Variants in IQCM observed in about 807,000 individuals in gnomAD.
IQCM encodes the protein IQ domain-containing protein M.
IQCM carries 45 observed loss-of-function variants against 57.6 expected under a neutral mutation model. The observed-to-expected ratio is 0.78, with a 90% confidence interval of 0.62 to 1.00. IQCM has a LOEUF of 1.00. Ranked by LOEUF, IQCM falls within the 50% of genes least tolerant of loss-of-function variation. The pLI is 0.00. For synonymous variants in IQCM, 148 were observed against 158.9 expected (o/e 0.93, Z 0.51); for missense variants, 468 against 511.6 (o/e 0.91, Z 0.82).
intron 12 of IQCM, among the ~76,000 whole-genome samples, chr4:149,526,948 C>T (rs533378681): frequency 6.6e-6 from 1 of 151,872 alleles, no homozygotes; most frequent in African/African-American, 2.4e-5. Context: ...ATTTTTATAG[C>T]CTCTTGGAAA....
chr4:149,742,956 C>G (rs1253842066), intron 2 of IQCM, among the ~76,000 whole-genome samples: 1 of 152,034 alleles, frequency 6.6e-6, no homozygotes, highest in Non-Finnish European at 1.5e-5. Context: ...ATACACATTG[C>G]CTTACTGGGT....
intron 12 of IQCM, among the ~76,000 whole-genome samples, chr4:149,434,550 T>C (rs1735167674): frequency 6.6e-6 from 1 of 152,032 alleles, no homozygotes; most frequent in Non-Finnish European, 1.5e-5. Context: ...CCTCTTAGTC[T>C]CCTTTATTTT....
At chr4:149,451,310 T>C (rs1297922299) in intron 12 of IQCM, among the ~76,000 whole-genome samples, 1 of 151,808 alleles carries the variant, frequency 6.6e-6, no homozygotes, top group Non-Finnish European at 1.5e-5. Flanking sequence ...AATTTAATTG[T>C]GCATTTTAAA....
intron 12 of IQCM, among the ~76,000 whole-genome samples, chr4:149,548,224 A>G (rs992646644): frequency 6.6e-6 from 1 of 152,148 alleles, no homozygotes; most frequent in African/African-American, 2.4e-5. Context: ...TCTTCCTCCA[A>G]AAAAACCTGT....
chr4:149,729,706 T>C (rs1399984290), intron 5 of IQCM, among the ~76,000 whole-genome samples: 1 of 151,788 alleles, frequency 6.6e-6, no homozygotes, highest in Admixed American at 6.6e-5. Flanking sequence ...TTTTTTTTAA[T>C]ATATGGTTCT....
At chr4:149,785,465 C>T (rs1771995684) in intron 2 of IQCM, among the ~76,000 whole-genome samples, 1 of 151,926 alleles carries the variant, frequency 6.6e-6, no homozygotes, top group Admixed American at 6.6e-5. Context: ...ATTTAAATAA[C>T]TATAGTAATT....
chr4:149,550,660 T>C lies in IQCM; in HGVS notation c.1094-2071A>G, dbSNP rs187129579. 1.9e-3 allele frequency among the ~76,000 whole-genome samples: 290 copies of C among 152,248 alleles called. 6 individuals are homozygous for C. Among genetic ancestry groups the C allele is most frequent in the Admixed American group, 0.016 (243 of 15,294 alleles). On this transcript the variant is annotated intron_variant, in intron 11 of 13. Transcript: ENST00000636793. ...ATTTAGGGTAAATATAAAACTTAAA[T>C]CATGAAAATTAATGAAATTTTCTGA...
intron 8 of IQCM, among the ~76,000 whole-genome samples, chr4:149,614,029 A>T (rs1755555991): frequency 6.6e-6 from 1 of 151,980 alleles, no homozygotes; most frequent in South Asian, 2.1e-4. Context: ...AAAACGAATG[A>T]CCTGTTTTTA....
rs185383653 is a variant in IQCM at position 149,515,584 on chromosome 4, A to G, written c.1228+32871T>C. Among the ~76,000 whole-genome samples, 1,124 of 152,310 alleles carry G rather than the reference A, an allele frequency of 7.4e-3. 7 individuals are homozygous for G. Among genetic ancestry groups the G allele is most frequent in the South Asian group, 0.037 (177 of 4,820 alleles). ...AGATGGTTCTGCACGATATGCAGGT[A>G]CCACCTGAAAGTGGACAGGTGCAGC... On this transcript the variant is annotated intron_variant, in intron 12 of 13. Transcript: ENST00000636793.
Position 149,485,476 on chromosome 4 carries a change from C to T in IQCM, c.1229-51919G>A, listed in dbSNP as rs183236405. ...TCAAGCTCACTAATTCCTTCTTCTG[C>T]TTGATCAATTCTGCTACTAAGAGAC... On this transcript the variant is annotated intron_variant, in intron 12 of 13. Coordinates refer to ENST00000636793, the MANE Select transcript of IQCM (RefSeq NM_001363507.2). Among the ~76,000 whole-genome samples, 12 of 151,678 alleles carry T rather than the reference C, an allele frequency of 7.9e-5. No individual in the cohort carries two copies. The East Asian group carries it at 2.4e-3, about 30-fold the overall frequency.
intron 8 of IQCM, among the ~76,000 whole-genome samples, chr4:149,619,107 G>GATATATATATATATATACAT: frequency 2.4e-5 from 3 of 126,802 alleles, no homozygotes; most frequent in African/African-American, 9.3e-5. Context: ...ATGTGGGATG[G>GATATATATATATATATACAT]ATATATATAT....
At chr4:149,674,003 T>C (rs1037265357) in intron 7 of IQCM, among the ~76,000 whole-genome samples, 1 of 152,170 alleles carries the variant, frequency 6.6e-6, no homozygotes, top group Non-Finnish European at 1.5e-5. Context: ...TATTTACACT[T>C]TCTTGCCAGT....
At chr4:149,372,166 A>G (rs1374910781) in intron 13 of IQCM, among the ~76,000 whole-genome samples, 2 of 152,196 alleles carry the variant, frequency 1.3e-5, no homozygotes, top group Non-Finnish European at 2.9e-5. Context: ...GCAGTTGACA[A>G]TCAAGCCAAG....
intron 13 of IQCM, among the ~76,000 whole-genome samples, chr4:149,402,772 A>G (rs1263874796): frequency 6.6e-5 from 10 of 151,952 alleles, no homozygotes; most frequent in Non-Finnish European, 1.5e-4. Context: ...ACTATTTAAA[A>G]TAAATTATGC....
At chr4:149,739,697 A>G (rs1355299553) in intron 3 of IQCM, among the ~76,000 whole-genome samples, 3 of 152,172 alleles carry the variant, frequency 2.0e-5, no homozygotes, top group Admixed American at 6.6e-5. Context: ...AAAGTTCATG[A>G]AGAGGTTGAA....
At chr4:149,582,840 G>A (rs2149989704) in intron 9 of IQCM, among the ~76,000 whole-genome samples, 1 of 151,580 alleles carries the variant, frequency 6.6e-6, no homozygotes, top group African/African-American at 2.4e-5. Context: ...CAAAATTTCA[G>A]GAGAGACCAA....
intron 9 of IQCM, among the ~76,000 whole-genome samples, chr4:149,587,370 T>A (rs914851341): frequency 6.6e-6 from 1 of 151,736 alleles, no homozygotes; most frequent in African/African-American, 2.4e-5. Flanking sequence ...AATACAAGTA[T>A]AAAATCTGCC....
chr4:149,461,431 C>T (rs758629248), intron 12 of IQCM, among the ~76,000 whole-genome samples: 1 of 151,728 alleles, frequency 6.6e-6, no homozygotes, highest in Non-Finnish European at 1.5e-5. Context: ...TTGTTTAAAA[C>T]AACCTAGATT....
Position 149,351,750 on chromosome 4 carries a change from A to G in IQCM, c.*201T>C, listed in dbSNP as rs1029211744. Among the ~76,000 whole-genome samples, 1 of 152,174 alleles carries G rather than the reference A, an allele frequency of 6.6e-6. No homozygotes were observed. Among genetic ancestry groups the G allele is most frequent in the African/African-American group, 2.4e-5 (1 of 41,450 alleles). On this transcript the variant is annotated 3_prime_UTR_variant, in exon 14 of 14. Transcript: ENST00000636793. ...GGTTTACTTCATTATGATAAAAGAGATGTTTTTTATGAAGGAGATCAAATG... is the reference window on the plus strand; with the variant it reads ...GGTTTACTTCATTATGATAAAAGAGGTGTTTTTTATGAAGGAGATCAAATG...
Sources: gnomAD v4.1 joint callset for allele counts (sites outside exome capture counted in the v4.1 genomes callset) on GRCh38, gnomAD v4.1.1 for gene constraint, MANE v1.5 for transcripts, NCBI Gene and HGNC (gene_info 2026-07-23, HGNC 2026-07-21) for gene names.